The following PTPRT variants were observed in gnomAD, a reference collection of about 807,000 sequenced individuals.
The protein encoded by PTPRT is receptor-type tyrosine-protein phosphatase T.
Under a neutral mutation model 176.8 loss-of-function variants are expected in PTPRT, and 56 were observed. The observed-to-expected ratio is 0.32, with a 90% CI of 0.26 to 0.40. PTPRT has a LOEUF of 0.40. PTPRT is among the 10% of genes least tolerant of loss of function. The pLI, the probability that PTPRT is intolerant of heterozygous loss-of-function variation, is 1.00. For missense variants in PTPRT, 1,540 were observed against 1,908.2 expected, an observed-to-expected ratio of 0.81 and a Z score of 3.60; for synonymous variants, 783 against 739.0, an observed-to-expected ratio of 1.06 and a Z score of -0.96.
chr20:42,142,566 T>C (rs1428370552), intron 17 of PTPRT, among the ~76,000 whole-genome samples: 2 of 152,152 alleles, frequency 1.3e-5, no homozygotes, highest in African/African-American at 4.8e-5. Flanking sequence ...TCCTCCCTTA[T>C]CCTTGGAGGA....
intron 1 of PTPRT, among the ~76,000 whole-genome samples, chr20:42,986,545 A>C (rs1002897977): frequency 1.3e-5 from 2 of 152,176 alleles, no homozygotes; most frequent in African/African-American, 4.8e-5. Context: ...AGCTTTGTCT[A>C]GCCCTAAGGG....
At chr20:42,480,871 G>A (rs1465760540) in intron 7 of PTPRT, among the ~76,000 whole-genome samples, 1 of 152,104 alleles carries the variant, frequency 6.6e-6, no homozygotes, top group Non-Finnish European at 1.5e-5. Flanking sequence ...CTACACAGAT[G>A]GACACAGTAT....
At chr20:42,769,516 G>A (rs1009576855) in intron 5 of PTPRT, among the ~76,000 whole-genome samples, 4 of 152,182 alleles carry the variant, frequency 2.6e-5, no homozygotes, top group African/African-American at 9.7e-5. Flanking sequence ...TTCATAGACT[G>A]CTGGTAGGAA....
intron 7 of PTPRT, among the ~76,000 whole-genome samples, chr20:42,473,874 C>T (rs2071241988): frequency 6.6e-6 from 1 of 152,138 alleles, no homozygotes; most frequent in Non-Finnish European, 1.5e-5. Context: ...AGGAGTCAGG[C>T]ACAGGCTGGA....
intron 13 of PTPRT, among the ~76,000 whole-genome samples, chr20:42,258,408 T>A (rs569506197): frequency 6.6e-6 from 1 of 152,346 alleles, no homozygotes; most frequent in South Asian, 2.1e-4. Flanking sequence ...TTCTTGTATA[T>A]CAACCACCAC....
Position 43,035,612 on chromosome 20 carries a change from G to A in PTPRT, c.89-149680C>T, listed in dbSNP as rs777834352. 9.9e-5 allele frequency among the ~76,000 whole-genome samples: 15 copies of A among 152,084 alleles called. No homozygotes were observed. The South Asian group carries it at 1.4e-3, about 15-fold the overall frequency. ...CTGTGGGTATTTCATAATCCTTTGC[G>A]GAAGGAAGAGAGGAAATTTGTTTTC... On this transcript the variant is annotated intron_variant, in intron 1 of 30. Transcript: ENST00000373187.
At chr20:42,590,600 C>T (rs976018297) in intron 7 of PTPRT, among the ~76,000 whole-genome samples, 5 of 151,966 alleles carry the variant, frequency 3.3e-5, no homozygotes, top group Admixed American at 6.6e-5. Context: ...AACCAGGCTT[C>T]GGGAATGTAA....
chr20:42,525,356 C>G (rs1366143926), intron 7 of PTPRT, among the ~76,000 whole-genome samples: 1 of 152,132 alleles, frequency 6.6e-6, no homozygotes, highest in East Asian at 1.9e-4. Flanking sequence ...TATATGATTT[C>G]AAGTACATAA....
chr20:42,346,252 G>C (rs919403563), intron 11 of PTPRT, among the ~76,000 whole-genome samples: 3 of 152,114 alleles, frequency 2.0e-5, no homozygotes, highest in Non-Finnish European at 4.4e-5. Flanking sequence ...ATCAGGGGAC[G>C]GTCTGTTATA....
intron 1 of PTPRT, among the ~76,000 whole-genome samples, chr20:42,955,088 CCT>C (rs1421183170): frequency 6.6e-6 from 1 of 152,046 alleles, no homozygotes; most frequent in Non-Finnish European, 1.5e-5. Context: ...ACTCTATCCC[CCT>C]CTTAGTGATG....
At chr20:42,124,947 G>A (rs962164373) in intron 19 of PTPRT, among the ~76,000 whole-genome samples, 1 of 152,122 alleles carries the variant, frequency 6.6e-6, no homozygotes, top group East Asian at 1.9e-4. Context: ...AGTCAATGGG[G>A]AACAAAAGCA....
intron 1 of PTPRT, among the ~76,000 whole-genome samples, chr20:43,042,710 C>A: frequency 6.8e-6 from 1 of 146,764 alleles, no homozygotes; most frequent in Non-Finnish European, 1.5e-5. Flanking sequence ...TCCACCCACC[C>A]TCCCACCCGC....
intron 1 of PTPRT, among the ~76,000 whole-genome samples, chr20:43,058,369 G>A (rs1452892542): frequency 6.6e-6 from 1 of 151,538 alleles, no homozygotes; most frequent in Non-Finnish European, 1.5e-5. Context: ...AAGAGAGAGA[G>A]GGAAGGAGAG....
chr20:43,157,952 G>A (rs1158468017), intron 1 of PTPRT, among the ~76,000 whole-genome samples: 4 of 152,198 alleles, frequency 2.6e-5, no homozygotes, highest in Non-Finnish European at 5.9e-5. Context: ...GAATTTGGGT[G>A]AGTTCTGAGC....
At chr20:42,043,507 C>A in the PTPRT span, among the ~76,000 whole-genome samples, 2 of 152,110 alleles carry the variant, frequency 1.3e-5, no homozygotes, top group Non-Finnish European at 2.9e-5. Context: ...GTGAGTTCTC[C>A]GGTTCTCACT....
intron 1 of PTPRT, among the ~76,000 whole-genome samples, chr20:43,148,025 G>A (rs923763791): frequency 6.6e-6 from 1 of 152,076 alleles, no homozygotes. Context: ...GCAAAGCAAG[G>A]GCTCTGTCTG....
At chr20:42,329,776 T>G (rs1296318127) in intron 11 of PTPRT, among the ~76,000 whole-genome samples, 1 of 152,140 alleles carries the variant, frequency 6.6e-6, no homozygotes, top group Non-Finnish European at 1.5e-5. Context: ...TTTTAAAAAT[T>G]TTCCTATCAT....
At chr20:42,776,089 T>C (rs941943723) in intron 4 of PTPRT, among the ~76,000 whole-genome samples, 5 of 152,152 alleles carry the variant, frequency 3.3e-5, no homozygotes, top group African/African-American at 1.2e-4. Context: ...CTCACCACCT[T>C]GCTTAAGCTA....
intron 6 of PTPRT, among the ~76,000 whole-genome samples, chr20:42,682,878 T>G (rs2075626841): frequency 6.6e-6 from 1 of 152,232 alleles, no homozygotes; most frequent in African/African-American, 2.4e-5. Context: ...TGTAACAGTT[T>G]GACTCCCTAG....
Sources: gnomAD v4.1 joint callset for allele counts (sites outside exome capture counted in the v4.1 genomes callset) on GRCh38, gnomAD v4.1.1 for gene constraint, MANE v1.5 for transcripts, NCBI Gene and HGNC (gene_info 2026-07-23, HGNC 2026-07-21) for gene names.